The following CEACAM7 variants were observed in gnomAD, a reference collection of about 807,000 sequenced individuals.
CEACAM7 encodes CEA cell adhesion molecule 7, also known as cell adhesion molecule CEACAM7.
Under a neutral mutation model 25.7 loss-of-function variants are expected in CEACAM7, and 24 were observed. The ratio of observed to expected loss-of-function variants is 0.93; its 90% CI spans 0.68 to 1.31. CEACAM7 has a LOEUF of 1.31. CEACAM7 is among the 40% of genes most tolerant of loss of function. The pLI is 0.00. For missense variants in CEACAM7, 324 were observed against 330.1 expected, an observed-to-expected ratio of 0.98 and a Z score of 0.14; for synonymous variants, 144 against 129.4, an observed-to-expected ratio of 1.11 and a Z score of -0.77.
intron 2 of CEACAM7, 23 bp downstream of exon 2, chr19:41,686,836 G>A: frequency 1.3e-6 from 2 of 1,517,870 alleles, no homozygotes; most frequent in African/African-American, 2.8e-5. Flanking sequence ...CCAGCACCCA[G>A]AAGTCATGGA....
intron 3 of CEACAM7, 23 bp downstream of exon 3, chr19:41,683,762 A>G (rs782187498): frequency 8.1e-6 from 13 of 1,612,514 alleles, no homozygotes; most frequent in Non-Finnish European, 1.1e-5. Flanking sequence ...AGCCTGGGCC[A>G]CAGAGGAACA....
At chr19:41,686,708 T>C (rs1419243961) in intron 2 of CEACAM7, 151 bp downstream of exon 2, 9 of 765,072 alleles carry the variant, frequency 1.2e-5, no homozygotes, top group Non-Finnish European at 1.6e-5. Context: ...TAGAAGTTTG[T>C]CTCCCCCATG....
chr19:41,686,749 C>A (rs994574814), intron 2 of CEACAM7, 110 bp downstream of exon 2: 4 of 1,259,064 alleles, frequency 3.2e-6, no homozygotes. Context: ...CAAACTCCAA[C>A]ACTGGATAAA....
intron 2 of CEACAM7, among the ~76,000 whole-genome samples, chr19:41,686,520 G>T (rs2072226420): frequency 1.3e-5 from 2 of 152,180 alleles, no homozygotes; most frequent in African/African-American, 2.4e-5. Flanking sequence ...TCTCTGTGAG[G>T]ATTCCAGGGG....
At position 41,673,337 on chromosome 19, in the gene CEACAM7, G is replaced by C. The variant is rs1439146403; in HGVS notation, c.*1439C>G. On this transcript the variant is annotated 3_prime_UTR_variant, in exon 5 of 5. Transcript: ENST00000401731. The stretch of plus-strand genomic sequence containing the variant: ...CAATTGGCTTTTATTTGTGATTCAT[G>C]AGTCAGGGCAGTTTCCATTCTGCAA... The C allele has an allele frequency of 6.6e-6, 1 of 152,214 alleles. No homozygotes were observed. Among genetic ancestry groups the C allele is most frequent in the African/African-American group, 2.4e-5 (1 of 41,462 alleles). The allele number at this position is 152,214 out of a possible 1,614,324, so 9.4% of individuals were successfully genotyped here.
Position 41,688,110 on chromosome 19 carries a change from A to G in CEACAM7, c.56T>C (p.Leu19Pro). 1.2e-6 allele frequency: 2 copies of G among 1,610,842 alleles called. No homozygotes were observed. Among genetic ancestry groups the G allele is most frequent in the East Asian group, 2.2e-5 (1 of 44,546 alleles). ...YRVCIPWQGL[L>P]LTASLLTFWN... is the part of the protein sequence containing the mutation. ...GGAAGTCCTCCCCTCACCTGTGAGC[A>G]GGAGCCCCTGCCAGGGAATGCACAC... Residue 19 changes from leucine (L) to proline (P), a missense_variant, in exon 1 of 5, where the codon CTG becomes CCG. Transcript: ENST00000401731.
chr19:41,685,411 C>G (rs781932917), intron 2 of CEACAM7, among the ~76,000 whole-genome samples: 1 of 151,932 alleles, frequency 6.6e-6, no homozygotes, highest in Non-Finnish European at 1.5e-5. Flanking sequence ...ACTGGGGTGG[C>G]TTTAGGGGCA....
chr19:41,679,232 G>A (rs988098788), intron 3 of CEACAM7, among the ~76,000 whole-genome samples: 1 of 152,100 alleles, frequency 6.6e-6, no homozygotes, highest in African/African-American at 2.4e-5. Flanking sequence ...ATAATTATAT[G>A]CCAACAAGTT....
At chr19:41,684,145 C>A in intron 2 of CEACAM7, 82 bp from the exon 3 acceptor site, 3 of 1,474,984 alleles carry the variant, frequency 2.0e-6, no homozygotes, top group Non-Finnish European at 2.8e-6. Context: ...GAGTTGGCAT[C>A]TCCCACCTCT....
intron 3 of CEACAM7, among the ~76,000 whole-genome samples, chr19:41,681,009 C>T (rs1039288928): frequency 3.3e-5 from 5 of 151,990 alleles, no homozygotes; most frequent in Non-Finnish European, 7.4e-5. Context: ...AAAATATTTG[C>T]AAATCATATA....
intron 2 of CEACAM7, 129 bp downstream of exon 2, chr19:41,686,730 C>T: frequency 3.8e-6 from 4 of 1,066,640 alleles, no homozygotes; most frequent in African/African-American, 1.6e-5. Context: ...GTGTCCTTCA[C>T]TAAATGCCCA....
At chr19:41,679,615 AG>A (rs1390906016) in intron 3 of CEACAM7, among the ~76,000 whole-genome samples, 1 of 119,010 alleles carries the variant, frequency 8.4e-6, no homozygotes, top group Non-Finnish European at 1.9e-5. Flanking sequence ...CAAATCAGAA[AG>A]AAGTAAAATT....
At chr19:41,677,588 G>C (rs764412084) in intron 3 of CEACAM7, 85 bp from the exon 4 acceptor site, 2 of 897,102 alleles carry the variant, frequency 2.2e-6, no homozygotes, top group South Asian at 1.5e-5. Flanking sequence ...GCATGAAGTC[G>C]TTTCTATTTG....
At chr19:41,678,481 A>C (rs919212335) in intron 3 of CEACAM7, among the ~76,000 whole-genome samples, 13 of 152,190 alleles carry the variant, frequency 8.5e-5, no homozygotes, top group African/African-American at 3.1e-4. Flanking sequence ...GTCATCAGTC[A>C]ACTCAGACTG....
intron 1 of CEACAM7, 73 bp downstream of exon 1, chr19:41,688,029 C>G: frequency 7.2e-7 from 1 of 1,384,850 alleles, no homozygotes; most frequent in Non-Finnish European, 9.9e-7. Context: ...CTCAGAGCCC[C>G]GTCCTCCCAA....
At chr19:41,684,395 C>T (rs16975479) in intron 2 of CEACAM7, among the ~76,000 whole-genome samples, 729 of 152,252 alleles carry the variant, frequency 4.8e-3, no homozygotes, top group African/African-American at 0.017. Context: ...CTTTGGGGTC[C>T]TCACCTCGAA....
chr19:41,684,703 C>A (rs540749067), intron 2 of CEACAM7, among the ~76,000 whole-genome samples: 1 of 152,246 alleles, frequency 6.6e-6, no homozygotes, highest in South Asian at 2.1e-4. Flanking sequence ...GTGAGTGAGA[C>A]AAGCAGGGGC....
rs1555810934 is a variant in CEACAM7, at chr19:41,683,909, G to C, written c.582C>G (p.Leu194=). ...GAACGAGGGTCCTGTTGTCAGTGGA[G>C]AGCAGCAGCCTGGGACTGACCAGGA... is the stretch of plus-strand genomic sequence containing the variant. ...QSLLVSPRLL[L]STDNRTLVLL... The change falls in exon 3 of 5, where the codon CTC becomes CTG. Residue 194 remains leucine, a synonymous_variant. Transcript: ENST00000401731. 1 of 1,614,192 alleles carries C rather than the reference G, an allele frequency of 6.2e-7. No individual in the cohort carries two copies. The highest frequency in any genetic ancestry group is 8.5e-7 in the Non-Finnish European group (1 of 1,180,026).
chr19:41,684,574 A>G (rs2072208821), intron 2 of CEACAM7, among the ~76,000 whole-genome samples: 2 of 152,188 alleles, frequency 1.3e-5, no homozygotes, highest in South Asian at 4.1e-4. Context: ...AGGTGAGTTT[A>G]GTACTCAGAC....
Sources: allele counts gnomAD v4.1 joint callset (sites outside exome capture counted in the v4.1 genomes callset), GRCh38; gene constraint gnomAD v4.1.1; transcripts MANE v1.5; gene names NCBI Gene and HGNC (gene_info 2026-07-23, HGNC 2026-07-21).